CFAP47: variants seen among roughly 807,000 people sequenced by gnomAD.
CFAP47 encodes the protein cilia- and flagella-associated protein 47.
CFAP47 carries 29 observed loss-of-function variants against 148.1 expected under a neutral mutation model. The observed-to-expected ratio is 0.20, with a 90% CI of 0.15 to 0.27. CFAP47 has a LOEUF of 0.27. Among genes scored for constraint, CFAP47 ranks in the 10% least tolerant of loss-of-function variants. CFAP47 has a pLI of 1.00. For missense variants in CFAP47, 1,872 were observed against 1,697.5 expected (o/e 1.10, Z -1.81); for synonymous variants, 664 against 577.3 (o/e 1.15, Z -2.15).
chrX:35,931,614 T>G (rs191934238), intron 2 of CFAP47, among the ~76,000 whole-genome samples: 169 of 111,967 alleles, frequency 1.5e-3, no homozygotes, highest in Non-Finnish European at 2.5e-3. Context: ...TTCTCATTTT[T>G]GCATTCCTGT....
At chrX:36,057,036 C>A (rs1000179809) in intron 26 of CFAP47, among the ~76,000 whole-genome samples, 1 of 111,969 alleles carries the variant, frequency 8.9e-6, no homozygotes, top group Non-Finnish European at 1.9e-5. Context: ...GAAAACTCAA[C>A]CTATGACAAT....
At chrX:36,315,196 T>C (rs1556010748) in intron 56 of CFAP47, among the ~76,000 whole-genome samples, 1 of 112,481 alleles carries the variant, frequency 8.9e-6, no homozygotes, top group African/African-American at 3.2e-5. Flanking sequence ...TGTTTTGTTA[T>C]ATCCATCTTA....
intron 15 of CFAP47, among the ~76,000 whole-genome samples, chrX:35,982,578 T>G (rs557986139): frequency 9.0e-6 from 1 of 111,539 alleles, no homozygotes; most frequent in South Asian, 3.7e-4. Context: ...TTTTCCAGGA[T>G]TTTTAGTTTT....
chrX:36,178,082 C>A (rs1939707317), intron 39 of CFAP47, among the ~76,000 whole-genome samples: 1 of 111,638 alleles, frequency 9.0e-6, no homozygotes, highest in African/African-American at 3.3e-5. Context: ...GATGCAGAAA[C>A]TAAAAACCAA....
In CFAP47 at chrX:36,225,608, G is replaced by C. The variant is rs1940261508; in HGVS notation, c.6818-3020G>C. On this transcript the variant is annotated intron_variant, in intron 45 of 63. Transcript: ENST00000378653. ...GAGGACTGACCTAGGGAAGAGTCTT[G>C]TGAAAGCACTGTAAACAGGATCAAG... Among the ~76,000 whole-genome samples, 3 of 111,819 alleles carry C rather than the reference G, an allele frequency of 2.7e-5. No homozygotes were observed. The Admixed American group carries it at 2.9e-4, about 11-fold the overall frequency.
intron 22 of CFAP47, among the ~76,000 whole-genome samples, chrX:36,026,541 A>G (rs1937218725): frequency 9.0e-6 from 1 of 111,582 alleles, no homozygotes; most frequent in African/African-American, 3.2e-5. Context: ...TGACATTTCT[A>G]TAAACCTTGT....
intron 21 of CFAP47, among the ~76,000 whole-genome samples, chrX:36,009,129 C>T (rs1937012326): frequency 9.0e-6 from 1 of 111,344 alleles, no homozygotes; most frequent in Non-Finnish European, 1.9e-5. Flanking sequence ...TTTCCAGTCC[C>T]CTCAGCTTCT....
At chrX:35,972,131 A>G (rs1936502912) in intron 13 of CFAP47, among the ~76,000 whole-genome samples, 166 bp downstream of exon 13, 1 of 112,423 alleles carries the variant, frequency 8.9e-6, no homozygotes, top group Admixed American at 9.4e-5. Context: ...GAGAGAATTA[A>G]CTTTAGTAAA....
chrX:35,948,962 G>A (rs188195943), intron 4 of CFAP47, among the ~76,000 whole-genome samples: 4 of 110,967 alleles, frequency 3.6e-5, no homozygotes, highest in African/African-American at 1.3e-4. Context: ...AGATGGAGGT[G>A]GGGAGTGACA....
intron 45 of CFAP47, among the ~76,000 whole-genome samples, chrX:36,206,900 G>T (rs1940044920): frequency 8.9e-6 from 1 of 112,104 alleles, no homozygotes; most frequent in African/African-American, 3.2e-5. Flanking sequence ...GGCTATCATG[G>T]TTTATGTCTA....
rs1406152007 is a variant in CFAP47 at position 36,379,490 on chromosome X, G to A, written c.9326G>A (p.Arg3109Lys). Residue 3109 changes from arginine (R) to lysine (K), a missense_variant, in exon 63 of 64, where the codon AGG becomes AAG. Arg to Lys is a conservative substitution (Grantham distance 26). Transcript: ENST00000378653. Reference protein sequence around the residue: ...TVGFKPKMYCRKYKATLVIQT... With the variant: ...TVGFKPKMYCKKYKATLVIQT... ...GGATTTAAACCTAAAATGTACTGTA[G>A]GAAATATAAAGCAACATTAGTAATA... 3 of 1,162,496 alleles carry A rather than the reference G, an allele frequency of 2.6e-6. No individual in the cohort carries two copies. The highest frequency in any genetic ancestry group is 3.5e-6 in the Non-Finnish European group (3 of 869,500).
intron 46 of CFAP47, among the ~76,000 whole-genome samples, chrX:36,229,207 TAGTC>T (rs1439019282): frequency 8.9e-6 from 1 of 111,973 alleles, no homozygotes; most frequent in Non-Finnish European, 1.9e-5. Context: ...GGCTACCTAT[TAGTC>T]AAAGTGACAA....
chrX:36,090,357 C>G (rs1353538769), intron 30 of CFAP47, among the ~76,000 whole-genome samples: 1 of 111,691 alleles, frequency 9.0e-6, no homozygotes, highest in Non-Finnish European at 1.9e-5. Context: ...ATACTTAAGT[C>G]AATCCTGATT....
At chrX:36,165,168 A>G (rs1323562098) in intron 39 of CFAP47, among the ~76,000 whole-genome samples, 6 of 111,964 alleles carry the variant, frequency 5.4e-5, no homozygotes, top group Admixed American at 2.9e-4. Context: ...GTATGTGTAT[A>G]TTACTCACTG....
intron 45 of CFAP47, among the ~76,000 whole-genome samples, chrX:36,226,702 T>C (rs1363904642): frequency 9.0e-6 from 1 of 111,365 alleles, no homozygotes; most frequent in Admixed American, 9.6e-5. Context: ...AGTTGGAAAA[T>C]GTACACTTAA....
chrX:35,965,465 G>A (rs1400852993), intron 8 of CFAP47, among the ~76,000 whole-genome samples: 3 of 111,829 alleles, frequency 2.7e-5, no homozygotes, highest in Non-Finnish European at 5.7e-5. Flanking sequence ...TCCTGCAGAT[G>A]TGTGTCACAA....
chrX:35,975,195 C>G lies in CFAP47; in HGVS notation c.2303C>G (p.Thr768Ser). The G allele has an allele frequency of 8.3e-7, 1 of 1,199,738 alleles. No homozygotes were observed. The highest frequency in any genetic ancestry group is 1.7e-5 in the African/African-American group (1 of 57,382). ...AATATTTGTGTGAACTCTCCAAATACTCATCTACTTCATGTTATTAATATG... is the reference window on the plus strand; with the variant it reads ...AATATTTGTGTGAACTCTCCAAATAGTCATCTACTTCATGTTATTAATATG... Reference protein sequence around the residue: ...FGNICVNSPNTHLLHVINMLP... With the variant: ...FGNICVNSPNSHLLHVINMLP... The change falls in exon 14 of 64, where the codon ACT (threonine) becomes AGT (serine). Residue 768 changes from threonine (T) to serine (S), a missense_variant. Thr to Ser is a moderately conservative substitution (Grantham distance 58). Coordinates refer to ENST00000378653, the MANE Select transcript of CFAP47 (RefSeq NM_001304548.2).
chrX:36,014,942 G>C, intron 22 of CFAP47, 30 bp downstream of exon 22: 1 of 290,021 alleles, frequency 3.4e-6, no homozygotes. Context: ...CAATTGGTGT[G>C]GGTAGGCCAA....
chrX:35,920,690 CAT>C (rs1351845026), intron 1 of CFAP47, among the ~76,000 whole-genome samples: 2 of 111,375 alleles, frequency 1.8e-5, no homozygotes, highest in African/African-American at 3.3e-5. Flanking sequence ...TATTTTACAT[CAT>C]GTGTGTGAAT....
Sources: gnomAD v4.1 joint callset for allele counts (sites outside exome capture counted in the v4.1 genomes callset) on GRCh38, gnomAD v4.1.1 for gene constraint, MANE v1.5 for transcripts, NCBI Gene and HGNC (gene_info 2026-07-23, HGNC 2026-07-21) for gene names.